ABI3BP: variants seen among roughly 807,000 people sequenced by gnomAD.
ABI3BP encodes target of Nesh-SH3.
A neutral mutation model predicts 268.6 loss-of-function variants in ABI3BP; 216 were observed. The ratio of observed to expected loss-of-function variants is 0.80; its 90% CI spans 0.72 to 0.90. ABI3BP has a LOEUF of 0.90. Ranked by LOEUF, ABI3BP falls within the 40% of genes least tolerant of loss-of-function variation. The pLI, the probability that ABI3BP is intolerant of heterozygous loss-of-function variation, is 0.00. For synonymous variants in ABI3BP, 730 were observed against 730.0 expected (o/e 1.00, Z 0.00); for missense variants, 2,090 against 2,182.4 (o/e 0.96, Z 0.84).
chr3:100,902,759 G>C (rs1474757426), intron 2 of ABI3BP, 73 bp from the exon 3 acceptor site: 7 of 1,235,546 alleles, frequency 5.7e-6, no homozygotes, highest in Admixed American at 1.9e-5. Context: ...CCCCTACCCT[G>C]ATTCAGCATT....
At chr3:100,750,688 C>T (rs536077582) in intron 67 of ABI3BP, 78 bp from the exon 68 acceptor site, 40 of 949,880 alleles carry the variant, frequency 4.2e-5, no homozygotes, top group African/African-American at 4.1e-4. Context: ...TGAAGGATGT[C>T]GTTGACTAGC....
chr3:100,849,245 G>A (rs1332620623), intron 17 of ABI3BP, among the ~76,000 whole-genome samples: 1 of 77,688 alleles, frequency 1.3e-5, no homozygotes, highest in Non-Finnish European at 2.7e-5. Flanking sequence ...TTTTTTTTTG[G>A]AGACAGAGTC....
intron 8 of ABI3BP, 26 bp downstream of exon 8, chr3:100,875,481 TC>T: frequency 6.7e-7 from 1 of 1,497,584 alleles, no homozygotes. Flanking sequence ...TTGCTTAATC[TC>T]GGCATAGATT....
rs1317330201 is a variant in ABI3BP at position 100,780,174 on chromosome 3, T to C, written c.4198A>G (p.Arg1400Gly). The stretch of plus-strand genomic sequence containing the variant: ...TGGGTAGAGTCCACTGATACATTTC[T>C]ATCAGCACCTGATGGCCTGGGTGCT... ...KQAPRPSGADRNVSVDSTHPT... is the reference protein window; with the variant it reads ...KQAPRPSGADGNVSVDSTHPT... Residue 1400 changes from arginine (R) to glycine (G), a missense_variant, in exon 58 of 68, where the codon AGA becomes GGA. Transcript: ENST00000471714. The C allele has an allele frequency of 6.2e-7, 1 of 1,613,118 alleles. No homozygotes were observed. Among genetic ancestry groups the C allele is most frequent in the Non-Finnish European group, 8.5e-7 (1 of 1,179,276 alleles).
At chr3:100,966,945 T>A (rs1349246786) in intron 1 of ABI3BP, among the ~76,000 whole-genome samples, 3 of 152,160 alleles carry the variant, frequency 2.0e-5, no homozygotes, top group African/African-American at 4.8e-5. Context: ...TAAGGCTTTT[T>A]TTTTTTTCAA....
chr3:100,875,581 T>G lies in ABI3BP; in HGVS notation c.746-2A>C. The G allele has an allele frequency of 1.9e-6, 3 of 1,611,080 alleles. No homozygotes were observed. The highest frequency in any genetic ancestry group is 2.5e-6 in the Non-Finnish European group (3 of 1,177,328). On this transcript the variant is annotated splice_acceptor_variant, in intron 7 of 67. Coordinates refer to ENST00000471714, the MANE Select transcript of ABI3BP (RefSeq NM_001375547.2). LOFTEE classifies it high-confidence loss of function. ...CCTTGTGAGTAACATTCTGAATCAC[T>G]GTTGAAATACAAAAAGACAGTGTGA...
At chr3:100,898,736 C>G in intron 4 of ABI3BP, 26 bp downstream of exon 4, 1 of 1,605,868 alleles carries the variant, frequency 6.2e-7, no homozygotes. Flanking sequence ...TGTACAGATG[C>G]TATTAAAAGC....
intron 21 of ABI3BP, among the ~76,000 whole-genome samples, chr3:100,841,654 C>T (rs749137436): frequency 6.6e-6 from 1 of 151,918 alleles, no homozygotes; most frequent in African/African-American, 2.4e-5. Flanking sequence ...TTTGAGAGGC[C>T]GAGGTGGGTG....
At chr3:100,874,449 T>C (rs2099140545) in intron 9 of ABI3BP, among the ~76,000 whole-genome samples, 1 of 152,144 alleles carries the variant, frequency 6.6e-6, no homozygotes, top group South Asian at 2.1e-4. Flanking sequence ...TAGGAAGCAA[T>C]ATCAATCTCA....
chr3:100,780,387 T>C (rs1262344412), intron 57 of ABI3BP, among the ~76,000 whole-genome samples, 178 bp from the exon 58 acceptor site: 1 of 152,140 alleles, frequency 6.6e-6, no homozygotes, highest in Non-Finnish European at 1.5e-5. Flanking sequence ...AACCCTACAT[T>C]CACTAGTTGT....
At position 100,775,387 on chromosome 3, in the gene ABI3BP, C is replaced by T. The variant is rs536633034; in HGVS notation, c.4334-52G>A. ...GCTTTATAGGAACACTGCCAAGTTTCCTATAAACATTTATTTATTCCATAA... is the reference window on the plus strand; with the variant it reads ...GCTTTATAGGAACACTGCCAAGTTTTCTATAAACATTTATTTATTCCATAA... On this transcript the variant is annotated intron_variant, in intron 59 of 67. Transcript: ENST00000471714. 3.2e-6 allele frequency: 5 copies of T among 1,555,672 alleles called. No homozygotes were observed. In the Admixed American group the frequency reaches 9.8e-5, roughly 31 times the overall value.
chr3:100,778,784 T>C (rs557998687), intron 58 of ABI3BP, among the ~76,000 whole-genome samples: 42 of 152,334 alleles, frequency 2.8e-4, no homozygotes, highest in African/African-American at 1.0e-3. Flanking sequence ...TAATGGAAGA[T>C]TTAAGTATAT....
Position 100,808,163 on chromosome 3 carries a change from G to T in ABI3BP, c.3680C>A (p.Pro1227Gln), listed in dbSNP as rs1210997866. The T allele has an allele frequency of 4.3e-6, 7 of 1,610,488 alleles. No homozygotes were observed. The African/African-American group carries it at 5.4e-5, about 12-fold the overall frequency. The change falls in exon 50 of 68, where the codon CCA becomes CAA. Residue 1227 changes from proline to glutamine, a missense_variant and splice_region_variant. Transcript: ENST00000471714. ...SPRPRIPQTQPVPKVPQRVTA... is the reference protein window; with the variant it reads ...SPRPRIPQTQQVPKVPQRVTA... ...TAAAATGTAAAATATATATTTACCTGGTTGTGTTTGTGGGATTCTTGGGCG... is the reference window on the plus strand; with the variant it reads ...TAAAATGTAAAATATATATTTACCTTGTTGTGTTTGTGGGATTCTTGGGCG...
intron 36 of ABI3BP, among the ~76,000 whole-genome samples, chr3:100,823,924 G>T (rs981222765): frequency 1.3e-5 from 2 of 152,156 alleles, no homozygotes; most frequent in African/African-American, 4.8e-5. Context: ...ACAAGAGACA[G>T]TTCATATGTT....
rs764281790 is a variant in ABI3BP, at chr3:100,875,532, C to T, written c.793G>A (p.Ala265Thr). The T allele has an allele frequency of 6.2e-7, 1 of 1,613,100 alleles. No homozygotes were observed. Among genetic ancestry groups the T allele is most frequent in the South Asian group, 1.1e-5 (1 of 91,066 alleles). Reference protein sequence around the residue: ...HKDSAKSPEKAPLGGVILVHL... With the variant: ...HKDSAKSPEKTPLGGVILVHL... Reference sequence around the variant, plus strand: ...CCTAGTATCACTCCTCCCAGTGGAGCTTTTTCTGGGGATTTAGCTGAATCC... The same window carrying T: ...CCTAGTATCACTCCTCCCAGTGGAGTTTTTTCTGGGGATTTAGCTGAATCC... The change falls in exon 8 of 68, where the codon GCT becomes ACT. Residue 265 changes from alanine to threonine, a missense_variant. By Grantham distance (58) the Ala-to-Thr change is moderately conservative. Transcript: ENST00000471714.
At chr3:100,825,508 T>C (rs2098363386) in intron 35 of ABI3BP, among the ~76,000 whole-genome samples, 1 of 152,134 alleles carries the variant, frequency 6.6e-6, no homozygotes, top group Non-Finnish European at 1.5e-5. Context: ...ACTCGGCAAA[T>C]GAAGCACAGG....
At chr3:100,753,531 A>G (rs9849252) in intron 65 of ABI3BP, among the ~76,000 whole-genome samples, 5,735 of 152,128 alleles carry the variant, frequency 0.038, 375 homozygotes, top group African/African-American at 0.13. Context: ...GGCTCAAGCA[A>G]TCCTCCCACC....
At chr3:100,797,562 G>GT (rs575648416) in intron 51 of ABI3BP, among the ~76,000 whole-genome samples, 2,599 of 129,620 alleles carry the variant, frequency 0.02, 45 homozygotes, top group African/African-American at 0.041. Context: ...TGAAGAAACT[G>GT]TTTTTTTTTT....
At chr3:100,866,797 A>G in intron 10 of ABI3BP, 82 bp downstream of exon 10, 1 of 1,153,070 alleles carries the variant, frequency 8.7e-7, no homozygotes, top group African/African-American at 1.5e-5. Flanking sequence ...CTGGCTCTTT[A>G]CTGAAAAAAA....
Sources: allele counts gnomAD v4.1 joint callset (sites outside exome capture counted in the v4.1 genomes callset), GRCh38; gene constraint gnomAD v4.1.1; transcripts MANE v1.5; gene names NCBI Gene and HGNC (gene_info 2026-07-23, HGNC 2026-07-21).